The following TRIM24 variants were observed in gnomAD, a reference collection of about 807,000 sequenced individuals.
TRIM24 encodes transcription intermediary factor 1-alpha.
A neutral mutation model predicts 123.9 loss-of-function variants in TRIM24; 29 were observed. That is an observed-to-expected ratio of 0.23 (90% CI 0.17 to 0.32). The LOEUF (loss-of-function observed/expected upper bound fraction) is 0.32, where lower values mean the gene tolerates loss of function less well. TRIM24 is among the 10% of genes least tolerant of loss of function. TRIM24 has a pLI of 1.00. For synonymous variants in TRIM24, 456 were observed against 461.1 expected (o/e 0.99, Z 0.14); for missense variants, 932 against 1,295.3 (o/e 0.72, Z 4.31).
At chr7:138,461,774 A>T (rs950001552) in intron 1 of TRIM24, among the ~76,000 whole-genome samples, 2 of 152,216 alleles carry the variant, frequency 1.3e-5, no homozygotes, top group Non-Finnish European at 2.9e-5. Flanking sequence ...TATTGCAAAT[A>T]TTTGAGCACC....
At position 138,586,934 on chromosome 7, in the gene TRIM24, C is replaced by T. The variant is rs1798030362; in HGVS notation, c.*1983C>T. The T allele has an allele frequency of 6.6e-6, 1 of 152,184 alleles. No homozygotes were observed. Among genetic ancestry groups the T allele is most frequent in the Non-Finnish European group, 1.5e-5 (1 of 68,042 alleles). The allele number at this position is 152,184 out of a possible 1,614,324, so 9.4% of individuals were successfully genotyped here. A position where few individuals can be genotyped will look rare whatever the true frequency, so the allele number is the denominator to read the frequency against. The stretch of plus-strand genomic sequence containing the variant: ...ATGTGACTAATGAACCCCAAACTGT[C>T]ACTATTACATTCAGTGCCATATTTA... On this transcript the variant is annotated 3_prime_UTR_variant, in exon 19 of 19. Coordinates refer to ENST00000343526, the MANE Select transcript of TRIM24 (RefSeq NM_015905.3).
chr7:138,484,443 T>C (rs1192246156), intron 1 of TRIM24, among the ~76,000 whole-genome samples: 1 of 151,866 alleles, frequency 6.6e-6, no homozygotes, highest in East Asian at 1.9e-4. Flanking sequence ...CTTTTTCTTA[T>C]GTATCTAGTG....
chr7:138,580,503 A>C, intron 15 of TRIM24, 59 bp from the exon 16 acceptor site: 1 of 1,560,680 alleles, frequency 6.4e-7, no homozygotes, highest in South Asian at 1.2e-5. Flanking sequence ...TGGGAAAGGG[A>C]AATAGTGAAG....
In TRIM24 at chr7:138,581,787, A is replaced by G. The variant is rs1173657907; in HGVS notation, c.2793+16A>G. ...TCCTCTAACTGTAAGTATTAATGTCATTTTCTGCATGTTTACACAGTGGAA... is the reference window on the plus strand; with the variant it reads ...TCCTCTAACTGTAAGTATTAATGTCGTTTTCTGCATGTTTACACAGTGGAA... On this transcript the variant is annotated intron_variant, in intron 17 of 18. Coordinates refer to ENST00000343526, the MANE Select transcript of TRIM24 (RefSeq NM_015905.3). 2.5e-6 allele frequency: 4 copies of G among 1,595,518 alleles called. No homozygotes were observed. The highest frequency in any genetic ancestry group is 3.4e-6 in the Non-Finnish European group (4 of 1,165,362).
chr7:138,499,397 A>G (rs990669759), intron 1 of TRIM24, among the ~76,000 whole-genome samples: 13 of 152,220 alleles, frequency 8.5e-5, no homozygotes, highest in African/African-American at 3.1e-4. Flanking sequence ...AACAGGTTAC[A>G]TGAAGTCCAG....
At chr7:138,509,325 T>C (rs1796235187) in intron 2 of TRIM24, among the ~76,000 whole-genome samples, 1 of 148,454 alleles carries the variant, frequency 6.7e-6, no homozygotes, top group Non-Finnish European at 1.5e-5. Flanking sequence ...GTATAATATA[T>C]ATATAATATA....
rs930943355 is a variant in TRIM24, at chr7:138,460,633, G to T, written c.85G>T (p.Gly29Trp). The change falls in exon 1 of 19, where the codon GGG becomes TGG. Residue 29 changes from glycine to tryptophan, a missense_variant. Transcript: ENST00000343526. ...CGGGGGGCCCTCGGCGGCGCCGAGCGGGGAGAACGAGGCCGAGAGTCGGCA... is the reference window on the plus strand; with the variant it reads ...CGGGGGGCCCTCGGCGGCGCCGAGCTGGGAGAACGAGGCCGAGAGTCGGCA... ...ASGGPSAAPS[G>W]ENEAESRQGP... 1.4e-6 allele frequency: 2 copies of T among 1,435,818 alleles called. No individual in the cohort carries two copies. Among genetic ancestry groups the T allele is most frequent in the Admixed American group, 2.7e-5 (1 of 36,446 alleles). The allele number at this position is 1,435,818 out of a possible 1,614,324, so 88.9% of individuals were successfully genotyped here.
At chr7:138,578,102 G>A (rs1400120171) in intron 14 of TRIM24, among the ~76,000 whole-genome samples, 1 of 152,132 alleles carries the variant, frequency 6.6e-6, no homozygotes, top group African/African-American at 2.4e-5. Context: ...GGAGAAAAAT[G>A]CTTCAACAGT....
rs78988686 is a variant in TRIM24 at position 138,531,123 on chromosome 7, T to TTTATTA, written c.996+1907_996+1912dup. On this transcript the variant is annotated intron_variant, in intron 6 of 18. Coordinates refer to ENST00000343526, the MANE Select transcript of TRIM24 (RefSeq NM_015905.3). The stretch of plus-strand genomic sequence containing the variant: ...GGCGTGTGCTGCCACTCCTGGCTAA[T>TTTATTA]TTATTATTATTATTATTATACTTTA... Among the ~76,000 whole-genome samples the TTTATTA allele has an allele frequency of 3.4e-3, 519 of 150,962 alleles. 5 individuals carry two copies. The highest frequency in any genetic ancestry group is 4.4e-3 in the Admixed American group (67 of 15,132).
At chr7:138,537,791 G>C (rs1411313657) in intron 6 of TRIM24, among the ~76,000 whole-genome samples, 1 of 152,138 alleles carries the variant, frequency 6.6e-6, no homozygotes, top group Non-Finnish European at 1.5e-5. Flanking sequence ...TTCCAAATCT[G>C]GAACTGACTA....
intron 1 of TRIM24, among the ~76,000 whole-genome samples, chr7:138,465,346 A>T (rs1307400301): frequency 6.6e-6 from 1 of 152,204 alleles, no homozygotes; most frequent in African/African-American, 2.4e-5. Flanking sequence ...ATTTTCTTTT[A>T]CGTATGTTAA....
rs185312910 is a variant in TRIM24 at position 138,497,991 on chromosome 7, C to T, written c.365-6299C>T. On this transcript the variant is annotated intron_variant, in intron 1 of 18. Transcript: ENST00000343526. ...TACAGGCATCAGCCTCCGTGCCTGA[C>T]CCTGTGTGGTTTTTTTATTTTTATT... Among the ~76,000 whole-genome samples the T allele has an allele frequency of 4.7e-4, 71 of 152,022 alleles. No individual in the cohort carries two copies. The East Asian group carries it at 0.011, about 24-fold the overall frequency.
intron 7 of TRIM24, among the ~76,000 whole-genome samples, chr7:138,539,480 G>C (rs539694624): frequency 6.6e-6 from 1 of 152,228 alleles, no homozygotes. Flanking sequence ...CAAGCCTTCA[G>C]GTGACTCTGA....
chr7:138,541,405 T>C (rs147014609), intron 7 of TRIM24, among the ~76,000 whole-genome samples: 7 of 152,326 alleles, frequency 4.6e-5, no homozygotes, highest in Non-Finnish European at 8.8e-5. Flanking sequence ...CCATGAGAGC[T>C]CTTGGGTGAC....
rs1797956335 is a variant in TRIM24 at position 138,583,826 on chromosome 7, TATAAC to T, written c.2794-21_2794-17del. On this transcript the variant is annotated intron_variant, in intron 17 of 18. Coordinates refer to ENST00000343526, the MANE Select transcript of TRIM24 (RefSeq NM_015905.3). ...CAAGGTGGAATTTAGCTATTTGTATTATAACATCTCATTTTTTTAATAGGTGCCTG... is the reference window on the plus strand; with the variant it reads ...CAAGGTGGAATTTAGCTATTTGTATTATCTCATTTTTTTAATAGGTGCCTG... 1 of 1,482,138 alleles carries T rather than the reference TATAAC, an allele frequency of 6.7e-7. No homozygotes were observed. Among genetic ancestry groups the T allele is most frequent in the Non-Finnish European group, 9.2e-7 (1 of 1,086,292 alleles). The allele number at this position is 1,482,138 out of a possible 1,614,324, so 91.8% of individuals were successfully genotyped here.
chr7:138,471,223 A>T (rs182795247), intron 1 of TRIM24, among the ~76,000 whole-genome samples: 3 of 152,342 alleles, frequency 2.0e-5, no homozygotes, highest in Admixed American at 1.3e-4. Flanking sequence ...ACATTTAAAA[A>T]TATTTATTTC....
chr7:138,513,520 A>C (rs1400328063), intron 2 of TRIM24, among the ~76,000 whole-genome samples: 1 of 152,164 alleles, frequency 6.6e-6, no homozygotes, highest in Admixed American at 6.5e-5. Flanking sequence ...GCAGAAGGTG[A>C]AAAGAGCAGG....
At chr7:138,486,796 C>T (rs1010020890) in intron 1 of TRIM24, among the ~76,000 whole-genome samples, 4 of 152,092 alleles carry the variant, frequency 2.6e-5, no homozygotes, top group Admixed American at 1.3e-4. Context: ...GTTCTTTTTG[C>T]TTAGGATTGT....
At chr7:138,517,346 G>GTT (rs879803035) in intron 3 of TRIM24, among the ~76,000 whole-genome samples, 2,510 of 150,984 alleles carry the variant, frequency 0.017, 52 homozygotes, top group African/African-American at 0.055. Flanking sequence ...TTACCTTAGG[G>GTT]TTTTTGTGTG....
Sources: gnomAD v4.1 joint callset for allele counts (sites outside exome capture counted in the v4.1 genomes callset) on GRCh38, gnomAD v4.1.1 for gene constraint, MANE v1.5 for transcripts, NCBI Gene and HGNC (gene_info 2026-07-23, HGNC 2026-07-21) for gene names.